The following STK32B variants were observed in gnomAD, a reference collection of about 807,000 sequenced individuals.
STK32B encodes serine/threonine-protein kinase 32B.
STK32B carries 43 observed loss-of-function variants against 52.6 expected under a neutral mutation model. The observed-to-expected ratio is 0.82, with a 90% confidence interval of 0.64 to 1.05. The LOEUF (loss-of-function observed/expected upper bound fraction) is 1.05. STK32B is among the 50% of genes least tolerant of loss of function. The pLI is 0.00. For missense variants in STK32B, 621 were observed against 534.6 expected (o/e 1.16, Z -1.59); for synonymous variants, 238 against 204.3 (o/e 1.17, Z -1.41).
At chr4:5,078,899 A>G (rs1712242427) in intron 1 of STK32B, among the ~76,000 whole-genome samples, 1 of 152,218 alleles carries the variant, frequency 6.6e-6, no homozygotes, top group Non-Finnish European at 1.5e-5. Flanking sequence ...GTTTTAGTGT[A>G]TTTCAGTTTC....
intron 6 of STK32B, among the ~76,000 whole-genome samples, chr4:5,440,723 A>T (rs561849093): frequency 2.6e-5 from 4 of 152,140 alleles, no homozygotes; most frequent in Non-Finnish European, 5.9e-5. Flanking sequence ...CCCATTCAGT[A>T]TGATATTGGC....
intron 3 of STK32B, among the ~76,000 whole-genome samples, chr4:5,330,318 C>T (rs1732147643): frequency 6.6e-6 from 1 of 152,194 alleles, no homozygotes; most frequent in Non-Finnish European, 1.5e-5. Flanking sequence ...TGATGTGATG[C>T]TATACTACAA....
intron 3 of STK32B, among the ~76,000 whole-genome samples, chr4:5,278,622 G>A (rs943802185): frequency 6.6e-6 from 1 of 152,158 alleles, no homozygotes; most frequent in Non-Finnish European, 1.5e-5. Context: ...TACCTCAGAA[G>A]TACTGAGGCC....
intron 6 of STK32B, among the ~76,000 whole-genome samples, chr4:5,439,737 G>A (rs1489643136): frequency 6.6e-6 from 1 of 152,122 alleles, no homozygotes; most frequent in African/African-American, 2.4e-5. Context: ...ATGGTTTTAG[G>A]TCTAACGTTT....
At position 5,466,598 on chromosome 4, in the gene STK32B, T is replaced by C. The variant is rs148212342; in HGVS notation, c.910-105T>C. 2.0e-4 allele frequency: 281 copies of C among 1,421,130 alleles called. No individual in the cohort carries two copies. In the African/African-American group the frequency reaches 3.7e-3, roughly 19 times the overall value. 88.0% of individuals were successfully genotyped at this position (1,421,130 alleles called of 1,614,324 possible). On this transcript the variant is annotated intron_variant, in intron 9 of 11. Transcript: ENST00000282908. ...AACCCGTGTATCCAACAAGAGTAAG[T>C]TCATCATTACTTGTTGAATGAATGA...
intron 1 of STK32B, among the ~76,000 whole-genome samples, chr4:5,090,523 C>T (rs1022504952): frequency 2.6e-5 from 4 of 151,978 alleles, no homozygotes; most frequent in Non-Finnish European, 5.9e-5. Context: ...CTACAGGTGC[C>T]TGACTAATTT....
chr4:5,237,585 T>C (rs1157418467), intron 3 of STK32B, among the ~76,000 whole-genome samples: 1 of 152,114 alleles, frequency 6.6e-6, no homozygotes, highest in Non-Finnish European at 1.5e-5. Flanking sequence ...AAATCTAGGA[T>C]GAGGGAAATG....
rs574569925 is a variant in STK32B at position 5,374,018 on chromosome 4, T to G, written c.435-24189T>G. 1.5e-4 allele frequency among the ~76,000 whole-genome samples: 23 copies of G among 152,194 alleles called. 1 individual carries two copies. The South Asian group carries it at 2.9e-3, about 19-fold the overall frequency. On this transcript the variant is annotated intron_variant, in intron 4 of 11. Coordinates refer to ENST00000282908, the MANE Select transcript of STK32B (RefSeq NM_018401.3). ...GGTCATACTGGATTACAGTGAGCCC[T>G]AAATCCAATGACTGATGTCTTTATA...
intron 3 of STK32B, among the ~76,000 whole-genome samples, chr4:5,187,845 G>C (rs983378691): frequency 6.6e-6 from 1 of 152,194 alleles, no homozygotes; most frequent in Non-Finnish European, 1.5e-5. Flanking sequence ...CTGTGAGTTA[G>C]GCCCAAAGCT....
At chr4:5,231,009 T>A (rs778730110) in intron 3 of STK32B, among the ~76,000 whole-genome samples, 2 of 152,218 alleles carry the variant, frequency 1.3e-5, no homozygotes, top group Non-Finnish European at 2.9e-5. Flanking sequence ...AAGAAAGTTA[T>A]AACCTGCAGA....
intron 3 of STK32B, among the ~76,000 whole-genome samples, chr4:5,209,734 A>C (rs1409560807): frequency 6.6e-6 from 1 of 152,224 alleles, no homozygotes; most frequent in Non-Finnish European, 1.5e-5. Context: ...CATGAACATT[A>C]TCTCACCTAA....
At position 5,397,461 on chromosome 4, in the gene STK32B, CT is replaced by C. The variant is rs537960424; in HGVS notation, c.435-742del. ...AATGTTTCACTTGGAATTGAGAGGC[CT>C]TTTGCTATAATGGTGATGTAGAGAA... is the stretch of plus-strand genomic sequence containing the variant. On this transcript the variant is annotated intron_variant, in intron 4 of 11. Transcript: ENST00000282908. 1.9e-4 allele frequency among the ~76,000 whole-genome samples: 29 copies of C among 152,260 alleles called. No homozygotes were observed. The South Asian group carries it at 6.0e-3, about 32-fold the overall frequency.
At chr4:5,303,529 T>C (rs1168899016) in intron 3 of STK32B, among the ~76,000 whole-genome samples, 1 of 152,140 alleles carries the variant, frequency 6.6e-6, no homozygotes, top group African/African-American at 2.4e-5. Context: ...TTGGTGGGAT[T>C]GTTTGTTTTG....
rs1278218718 is a variant in STK32B at position 5,051,923 on chromosome 4, A to G, written c.52+8A>G. ...TTGACGAGAATGAGGAAGGTAAGAG[A>G]GCGAGAGGTGCGAATTCCCGCTTCG... On this transcript the variant is annotated splice_region_variant and intron_variant, in intron 1 of 11. Transcript: ENST00000282908. 1.3e-6 allele frequency: 2 copies of G among 1,590,892 alleles called. No individual in the cohort carries two copies. Among genetic ancestry groups the G allele is most frequent in the East Asian group, 2.3e-5 (1 of 43,078 alleles).
At chr4:5,165,667 G>C (rs1479764951) in intron 2 of STK32B, among the ~76,000 whole-genome samples, 1 of 152,162 alleles carries the variant, frequency 6.6e-6, no homozygotes, top group East Asian at 1.9e-4. Flanking sequence ...ATGGGTCTCA[G>C]AGCCTGGTGC....
At position 5,254,304 on chromosome 4, in the gene STK32B, G is replaced by A. The variant is rs565743014; in HGVS notation, c.261-76916G>A. ...TATTTTCTTTATCAGTGTTACTGTGGGTTTATCAATTTTATTGGTGGTTTT... is the reference window on the plus strand; with the variant it reads ...TATTTTCTTTATCAGTGTTACTGTGAGTTTATCAATTTTATTGGTGGTTTT... On this transcript the variant is annotated intron_variant, in intron 3 of 11. Transcript: ENST00000282908. Among the ~76,000 whole-genome samples the A allele has an allele frequency of 2.6e-5, 4 of 151,594 alleles. No homozygotes were observed. The East Asian group carries it at 7.8e-4, about 29-fold the overall frequency.
Position 5,457,696 on chromosome 4 carries a change from C to T in STK32B, c.783+773C>T, listed in dbSNP as rs557700837. Among the ~76,000 whole-genome samples the T allele has an allele frequency of 6.1e-4, 92 of 151,270 alleles. 1 individual carries two copies. The highest frequency in any genetic ancestry group is 2.1e-3 in the African/African-American group (87 of 41,272). On this transcript the variant is annotated intron_variant, in intron 8 of 11. Transcript: ENST00000282908. ...CAGCCTGGCCAGCATGGAGAAACCC[C>T]GTCTCTCTAAAAATACAAAAGTAGC...
intron 1 of STK32B, among the ~76,000 whole-genome samples, chr4:5,123,294 A>T (rs913367606): frequency 1.3e-5 from 2 of 152,040 alleles, no homozygotes; most frequent in African/African-American, 4.8e-5. Context: ...TGGATCCTAC[A>T]TGCCTCCCGG....
chr4:5,284,388 A>G (rs1577292272), intron 3 of STK32B, among the ~76,000 whole-genome samples: 1 of 152,202 alleles, frequency 6.6e-6, no homozygotes, highest in South Asian at 2.1e-4. Flanking sequence ...CAGCAATAAT[A>G]GAAGGGATAG....
Sources: gnomAD v4.1 joint callset for allele counts (sites outside exome capture counted in the v4.1 genomes callset) on GRCh38, gnomAD v4.1.1 for gene constraint, MANE v1.5 for transcripts, NCBI Gene and HGNC (gene_info 2026-07-23, HGNC 2026-07-21) for gene names.